The following DPP10 variants were observed in gnomAD, a reference collection of about 807,000 sequenced individuals.
The protein encoded by DPP10 is inactive dipeptidyl peptidase 10.
DPP10 carries 33 observed loss-of-function variants against 120.9 expected under a neutral mutation model. The ratio of observed to expected loss-of-function variants is 0.27; its 90% CI spans 0.21 to 0.37. DPP10 has a LOEUF of 0.37. DPP10 is among the 10% of genes least tolerant of loss of function. DPP10 has a pLI of 1.00. For missense variants in DPP10, 816 were observed against 942.8 expected (o/e 0.87, Z 1.76); for synonymous variants, 337 against 326.1 (o/e 1.03, Z -0.36).
chr2:115,541,082 G>A (rs761193161), intron 5 of DPP10, among the ~76,000 whole-genome samples: 2 of 151,844 alleles, frequency 1.3e-5, no homozygotes, highest in Non-Finnish European at 2.9e-5. Context: ...AATAATGAAT[G>A]TTGTTAATAG....
chr2:114,912,001 G>A (rs1694404474), intron 1 of DPP10, among the ~76,000 whole-genome samples: 1 of 152,140 alleles, frequency 6.6e-6, no homozygotes, highest in Non-Finnish European at 1.5e-5. Flanking sequence ...AATTTTACTG[G>A]AACTTGAGAC....
At chr2:115,643,061 A>G (rs1479036340) in intron 5 of DPP10, among the ~76,000 whole-genome samples, 2 of 152,120 alleles carry the variant, frequency 1.3e-5, no homozygotes, top group Non-Finnish European at 2.9e-5. Context: ...TTTAACATGC[A>G]TTAAAGGAGA....
At chr2:114,762,415 T>C (rs1403211720) in intron 1 of DPP10, among the ~76,000 whole-genome samples, 1 of 152,176 alleles carries the variant, frequency 6.6e-6, no homozygotes, top group Non-Finnish European at 1.5e-5. Context: ...ATGTGAACTT[T>C]CCTAAAAGCC....
At position 114,667,457 on chromosome 2, in the gene DPP10, G is replaced by A. The variant is rs143415389; in HGVS notation, c.60+224619G>A. ...AAAGAAATGCAAATGAATTAGGTATGCTTTGAGTTTATATGAATATAACTG... is the reference window on the plus strand; with the variant it reads ...AAAGAAATGCAAATGAATTAGGTATACTTTGAGTTTATATGAATATAACTG... On this transcript the variant is annotated intron_variant, in intron 1 of 25. Coordinates refer to ENST00000410059, the MANE Select transcript of DPP10 (RefSeq NM_020868.6). Among the ~76,000 whole-genome samples, 18 of 152,288 alleles carry A rather than the reference G, an allele frequency of 1.2e-4. No homozygotes were observed. The East Asian group carries it at 3.3e-3, about 28-fold the overall frequency.
intron 1 of DPP10, among the ~76,000 whole-genome samples, chr2:114,669,700 C>T (rs866469052): frequency 2.6e-5 from 4 of 152,066 alleles, no homozygotes; most frequent in Admixed American, 6.6e-5. Context: ...ATTTGGGCTA[C>T]CTTAAATTGC....
At chr2:115,560,370 CAAAAAAAAAAAAAAAAA>C (rs869049114) in intron 5 of DPP10, among the ~76,000 whole-genome samples, 3 of 11,106 alleles carry the variant, frequency 2.7e-4, no homozygotes, top group African/African-American at 3.0e-4. Context: ...GACTCCTTCT[CAAAAAAAAAAAAAAAAA>C]AAAAAAAAAA....
intron 5 of DPP10, among the ~76,000 whole-genome samples, chr2:115,661,779 A>G (rs547584191): frequency 6.6e-6 from 1 of 152,340 alleles, no homozygotes; most frequent in African/African-American, 2.4e-5. Flanking sequence ...GTGCAAGTTA[A>G]TGATTTGATG....
intron 1 of DPP10, among the ~76,000 whole-genome samples, chr2:115,297,784 T>C (rs2060954163): frequency 6.6e-6 from 1 of 152,072 alleles, no homozygotes; most frequent in Non-Finnish European, 1.5e-5. Context: ...AGATTATATA[T>C]GCAGCCTGCT....
chr2:114,552,806 A>C (rs1687994423), intron 1 of DPP10, among the ~76,000 whole-genome samples: 2 of 152,152 alleles, frequency 1.3e-5, no homozygotes, highest in African/African-American at 2.4e-5. Flanking sequence ...TTCGCCTCCC[A>C]AAGTGCTGGA....
intron 1 of DPP10, among the ~76,000 whole-genome samples, chr2:115,308,350 T>C (rs1422618665): frequency 6.7e-6 from 1 of 148,942 alleles, no homozygotes; most frequent in Admixed American, 6.9e-5. Context: ...ATAAAGAGGC[T>C]GTATTGAGAA....
At chr2:115,006,070 C>T (rs2105044263) in intron 1 of DPP10, among the ~76,000 whole-genome samples, 1 of 152,232 alleles carries the variant, frequency 6.6e-6, no homozygotes, top group Non-Finnish European at 1.5e-5. Flanking sequence ...ATTCAACATT[C>T]TTAAAGAAAA....
chr2:115,662,079 A>G (rs1345964026), intron 5 of DPP10, among the ~76,000 whole-genome samples: 1 of 151,942 alleles, frequency 6.6e-6, no homozygotes, highest in African/African-American at 2.4e-5. Flanking sequence ...TATATGTTTG[A>G]TGATTTTAGT....
intron 5 of DPP10, among the ~76,000 whole-genome samples, chr2:115,652,095 A>T (rs1022126586): frequency 1.3e-5 from 2 of 152,100 alleles, no homozygotes; most frequent in Non-Finnish European, 1.5e-5. Flanking sequence ...CAGATATAAT[A>T]TAGAGGTGAA....
At chr2:114,940,676 G>C (rs533395965) in intron 1 of DPP10, among the ~76,000 whole-genome samples, 2 of 152,138 alleles carry the variant, frequency 1.3e-5, no homozygotes, top group Non-Finnish European at 2.9e-5. Context: ...CTTGTGTTGA[G>C]AGAATATCAC....
intron 1 of DPP10, among the ~76,000 whole-genome samples, chr2:114,812,714 TTTTGTTTG>T (rs113141883): frequency 3.9e-5 from 6 of 152,114 alleles, no homozygotes; most frequent in Non-Finnish European, 8.8e-5. Flanking sequence ...CTCCACAGTC[TTTTGTTTG>T]TTTGTTTGTT....
intron 1 of DPP10, among the ~76,000 whole-genome samples, chr2:114,641,679 G>A (rs774590326): frequency 6.6e-6 from 1 of 151,894 alleles, no homozygotes; most frequent in Admixed American, 6.6e-5. Context: ...TAAAAGTCCA[G>A]ATAAAAGCCC....
intron 5 of DPP10, among the ~76,000 whole-genome samples, chr2:115,550,589 T>A (rs190564778): frequency 6.6e-6 from 1 of 152,322 alleles, no homozygotes; most frequent in Admixed American, 6.5e-5. Context: ...AGTTTTTGCA[T>A]GAAATTTACA....
chr2:115,713,007 C>T (rs2149579686), intron 7 of DPP10, among the ~76,000 whole-genome samples: 1 of 151,878 alleles, frequency 6.6e-6, no homozygotes, highest in South Asian at 2.1e-4. Flanking sequence ...TGACATGATG[C>T]CTATTAGAAT....
intron 1 of DPP10, among the ~76,000 whole-genome samples, chr2:114,960,441 A>G (rs1183371939): frequency 2.6e-5 from 4 of 151,530 alleles, no homozygotes; most frequent in Non-Finnish European, 5.9e-5. Flanking sequence ...CTGGAAAACC[A>G]AAAAATTGGG....
Sources: gnomAD v4.1 joint callset for allele counts (sites outside exome capture counted in the v4.1 genomes callset) on GRCh38, gnomAD v4.1.1 for gene constraint, MANE v1.5 for transcripts, NCBI Gene and HGNC (gene_info 2026-07-23, HGNC 2026-07-21) for gene names.